GABRB1: variants seen among roughly 807,000 people sequenced by gnomAD.
GABRB1 encodes gamma-aminobutyric acid type A receptor subunit beta1, also known as gamma-aminobutyric acid receptor subunit beta-1.
Under a neutral mutation model 51.6 loss-of-function variants are expected in GABRB1, and 17 were observed. The ratio of observed to expected loss-of-function variants is 0.33; its 90% CI spans 0.23 to 0.49. GABRB1 has a LOEUF of 0.49. Ranked by LOEUF, GABRB1 falls within the 20% of genes least tolerant of loss-of-function variation. The pLI is 0.99. For missense variants in GABRB1, 410 were observed against 600.6 expected (o/e 0.68, Z 3.32); for synonymous variants, 247 against 218.9 (o/e 1.13, Z -1.14).
chr4:47,125,291 G>A (rs949499098), intron 3 of GABRB1, among the ~76,000 whole-genome samples: 2 of 152,020 alleles, frequency 1.3e-5, no homozygotes, highest in African/African-American at 4.8e-5. Context: ...GTCACCATTA[G>A]CCCTGCCTTA....
chr4:47,125,616 C>T (rs1459553774), intron 3 of GABRB1, among the ~76,000 whole-genome samples: 291 of 111,860 alleles, frequency 2.6e-3, no homozygotes, highest in African/African-American at 8.4e-3. Context: ...AGTGCAGTGG[C>T]GGGATCTCGG....
chr4:47,411,483 G>A (rs373897019), intron 8 of GABRB1, among the ~76,000 whole-genome samples: 3 of 152,106 alleles, frequency 2.0e-5, no homozygotes, highest in Non-Finnish European at 2.9e-5. Context: ...AGTGGTTGCC[G>A]GGAGTCAGTG....
intron 5 of GABRB1, among the ~76,000 whole-genome samples, chr4:47,385,595 G>A (rs1363802499): frequency 6.6e-6 from 1 of 152,124 alleles, no homozygotes; most frequent in Non-Finnish European, 1.5e-5. Context: ...GTTTGGGTTT[G>A]CCTCACACCA....
At chr4:47,046,311 TAAG>T (rs1678516955) in intron 3 of GABRB1, among the ~76,000 whole-genome samples, 1 of 152,092 alleles carries the variant, frequency 6.6e-6, no homozygotes. Context: ...GTAGATGAGA[TAAG>T]AAGAGTTTTT....
At chr4:47,157,457 CAGATGTCACT>C (rs1717756264) in intron 3 of GABRB1, among the ~76,000 whole-genome samples, 1 of 152,074 alleles carries the variant, frequency 6.6e-6, no homozygotes, top group East Asian at 1.9e-4. Flanking sequence ...TTATTATATT[CAGATGTCACT>C]GTTAACCTTT....
intron 5 of GABRB1, among the ~76,000 whole-genome samples, chr4:47,346,902 G>C (rs1726117608): frequency 6.6e-6 from 1 of 152,152 alleles, no homozygotes; most frequent in African/African-American, 2.4e-5. Flanking sequence ...CTCACTGCAG[G>C]GAAGCTGGAC....
intron 5 of GABRB1, among the ~76,000 whole-genome samples, chr4:47,320,994 T>C (rs1467343135): frequency 1.3e-5 from 2 of 152,262 alleles, no homozygotes; most frequent in Non-Finnish European, 2.9e-5. Flanking sequence ...TGGCGCTTTC[T>C]TAACAATTCA....
intron 3 of GABRB1, among the ~76,000 whole-genome samples, chr4:47,138,818 C>A (rs1053996827): frequency 6.6e-6 from 1 of 152,062 alleles, no homozygotes. Flanking sequence ...CGAGACTTCT[C>A]TTGGCCCTCC....
intron 3 of GABRB1, among the ~76,000 whole-genome samples, chr4:47,139,313 C>A (rs1486909654): frequency 6.6e-6 from 1 of 152,032 alleles, no homozygotes; most frequent in Non-Finnish European, 1.5e-5. Context: ...CTCCAGACAA[C>A]AGTTTGAATT....
chr4:47,023,115 C>T (rs550410661), intron 1 of GABRB1, among the ~76,000 whole-genome samples: 35 of 151,822 alleles, frequency 2.3e-4, no homozygotes, highest in Admixed American at 1.4e-3. Context: ...TTGTGGGATC[C>T]GAAAATCAAA....
At chr4:47,286,725 G>A (rs1263490194) in intron 4 of GABRB1, among the ~76,000 whole-genome samples, 3 of 152,140 alleles carry the variant, frequency 2.0e-5, no homozygotes, top group African/African-American at 4.8e-5. Flanking sequence ...AGTACCTTGT[G>A]AAACAAAGGC....
intron 8 of GABRB1, among the ~76,000 whole-genome samples, chr4:47,412,415 G>A (rs1362637151): frequency 6.6e-6 from 1 of 152,044 alleles, no homozygotes; most frequent in African/African-American, 2.4e-5. Flanking sequence ...AAGAAAAAGA[G>A]ACTATACTCC....
intron 4 of GABRB1, among the ~76,000 whole-genome samples, chr4:47,288,257 ATTATTATTATTATTG>A (rs1270242734): frequency 6.7e-6 from 1 of 150,366 alleles, no homozygotes; most frequent in Admixed American, 6.7e-5. Context: ...TATTATTATT[ATTATTATTATTATTG>A]TTATTATTAA....
At chr4:47,020,349 G>A (rs983385466) in intron 1 of GABRB1, among the ~76,000 whole-genome samples, 5 of 152,056 alleles carry the variant, frequency 3.3e-5, no homozygotes, top group African/African-American at 1.2e-4. Context: ...CAATTCATAC[G>A]AATAGTATCT....
chr4:47,280,991 T>C (rs778097892), intron 4 of GABRB1, among the ~76,000 whole-genome samples: 2 of 152,134 alleles, frequency 1.3e-5, no homozygotes, highest in African/African-American at 4.8e-5. Context: ...CTGGTTATTG[T>C]ATTTTGGTTG....
At chr4:47,064,879 A>G (rs1727009441) in intron 3 of GABRB1, among the ~76,000 whole-genome samples, 1 of 152,188 alleles carries the variant, frequency 6.6e-6, no homozygotes, top group Non-Finnish European at 1.5e-5. Flanking sequence ...CATTATTTCT[A>G]CAAATGTTTG....
intron 3 of GABRB1, among the ~76,000 whole-genome samples, chr4:47,095,489 G>A (rs1039457128): frequency 1.3e-5 from 2 of 152,226 alleles, no homozygotes; most frequent in African/African-American, 4.8e-5. Flanking sequence ...GGCACATGCA[G>A]ATGGGGACCA....
At chr4:47,015,658 G>C (rs1284330337) in intron 1 of GABRB1, among the ~76,000 whole-genome samples, 2 of 152,064 alleles carry the variant, frequency 1.3e-5, no homozygotes, top group African/African-American at 4.8e-5. Flanking sequence ...GGAAAGTATT[G>C]CCAACAATTG....
rs1717290738 is a variant in GABRB1 at position 47,148,806 on chromosome 4, T to C, written c.241-12443T>C. 2.0e-5 allele frequency among the ~76,000 whole-genome samples: 3 copies of C among 151,798 alleles called. No individual in the cohort carries two copies. The South Asian group carries it at 6.2e-4, about 32-fold the overall frequency. On this transcript the variant is annotated intron_variant, in intron 3 of 8. Coordinates refer to ENST00000295454, the MANE Select transcript of GABRB1 (RefSeq NM_000812.4). ...GCATCACTGGCTGATGAAGGAGAAT[T>C]CATGGATAAAACATCAGAGAAAACT...
Sources: gnomAD v4.1 joint callset for allele counts (sites outside exome capture counted in the v4.1 genomes callset) on GRCh38, gnomAD v4.1.1 for gene constraint, MANE v1.5 for transcripts, NCBI Gene and HGNC (gene_info 2026-07-23, HGNC 2026-07-21) for gene names.